The following TNFRSF21 variants were observed in gnomAD, a reference collection of about 807,000 sequenced individuals.
TNFRSF21 encodes TNF receptor superfamily member 21.
Under a neutral mutation model 45.6 loss-of-function variants are expected in TNFRSF21, and 19 were observed. The observed-to-expected ratio is 0.42, with a 90% confidence interval of 0.29 to 0.61. The LOEUF is 0.61. TNFRSF21 is among the 20% of genes least tolerant of loss of function. The pLI, the probability that TNFRSF21 is intolerant of heterozygous loss-of-function variation, is 0.23. For synonymous variants in TNFRSF21, 314 were observed against 335.5 expected (o/e 0.94, Z 0.70); for missense variants, 737 against 851.5 (o/e 0.87, Z 1.67).
chr6:47,234,630 G>T (rs1330803934), intron 5 of TNFRSF21, 40 bp downstream of exon 5: 1 of 1,511,042 alleles, frequency 6.6e-7, no homozygotes, highest in East Asian at 2.3e-5. Context: ...CTCTTTGGGG[G>T]GTTTAAGTGC....
intron 5 of TNFRSF21, among the ~76,000 whole-genome samples, chr6:47,234,045 A>C (rs896419880): frequency 1.3e-5 from 2 of 152,154 alleles, no homozygotes; most frequent in African/African-American, 4.8e-5. Context: ...AGTCTGGAGT[A>C]CAGTGGCACA....
intron 3 of TNFRSF21, among the ~76,000 whole-genome samples, chr6:47,276,233 T>C (rs1172753014): frequency 6.6e-6 from 1 of 152,092 alleles, no homozygotes; most frequent in Non-Finnish European, 1.5e-5. Context: ...GGTGGACCCA[T>C]ACATAAGATG....
chr6:47,241,253 C>G (rs6903150), intron 4 of TNFRSF21, among the ~76,000 whole-genome samples: 58,800 of 151,966 alleles, frequency 0.39, 12,248 homozygotes, highest in East Asian at 0.57. Flanking sequence ...TTACCAGCCT[C>G]ATCACAAAAC....
chr6:47,237,005 TA>T (rs2113842798), intron 4 of TNFRSF21, among the ~76,000 whole-genome samples: 1 of 152,350 alleles, frequency 6.6e-6, no homozygotes, highest in South Asian at 2.1e-4. Context: ...CAAAAGGTCC[TA>T]TTAGTAAAAC....
intron 4 of TNFRSF21, among the ~76,000 whole-genome samples, chr6:47,246,733 AG>A (rs5876017): frequency 0.034 from 5,177 of 152,290 alleles, 300 homozygotes; most frequent in African/African-American, 0.12. Context: ...AATATGAAAA[AG>A]CAGGTGGGGC....
At chr6:47,249,130 C>T (rs1459451375) in intron 4 of TNFRSF21, among the ~76,000 whole-genome samples, 9 of 152,312 alleles carry the variant, frequency 5.9e-5, no homozygotes, top group African/African-American at 2.2e-4. Context: ...GCACATTCCT[C>T]CTCCCAACCT....
At chr6:47,283,886 G>T in intron 3 of TNFRSF21, 52 bp downstream of exon 3, 1 of 1,561,680 alleles carries the variant, frequency 6.4e-7, no homozygotes, top group Non-Finnish European at 8.6e-7. Context: ...CAGGGACTAG[G>T]GAAAAAGTGG....
At position 47,231,832 on chromosome 6, in the gene TNFRSF21, CA is replaced by C. The variant is rs1764586500; in HGVS notation, c.*932del. On this transcript the variant is annotated 3_prime_UTR_variant, in exon 6 of 6. Coordinates refer to ENST00000296861, the MANE Select transcript of TNFRSF21 (RefSeq NM_014452.5). ...CTATTGATTATGTGTATATAAAAAA[CA>C]AGACATCTTTTAAAGCAAAGCTGGG... 6.6e-6 allele frequency: 1 copy of C among 152,626 alleles called. No individual in the cohort carries two copies. Among genetic ancestry groups the C allele is most frequent in the South Asian group, 2.1e-4 (1 of 4,822 alleles). 9.5% of individuals were successfully genotyped at this position (152,626 alleles called of 1,614,324 possible).
intron 1 of TNFRSF21, among the ~76,000 whole-genome samples, chr6:47,298,851 T>C (rs971848245): frequency 2.6e-5 from 4 of 152,154 alleles, no homozygotes; most frequent in Admixed American, 6.5e-5. Context: ...AAAGGCACAA[T>C]CAATATTAAC....
At chr6:47,255,380 T>C (rs1764970471) in intron 3 of TNFRSF21, among the ~76,000 whole-genome samples, 2 of 152,154 alleles carry the variant, frequency 1.3e-5, no homozygotes, top group Non-Finnish European at 1.5e-5. Flanking sequence ...GTGGGATGCA[T>C]ATATCACCCT....
At chr6:47,261,128 C>A (rs1400309881) in intron 3 of TNFRSF21, among the ~76,000 whole-genome samples, 1 of 152,220 alleles carries the variant, frequency 6.6e-6, no homozygotes, top group East Asian at 1.9e-4. Flanking sequence ...ATGCTCCTAA[C>A]AGGCACGCAC....
intron 1 of TNFRSF21, among the ~76,000 whole-genome samples, chr6:47,288,176 T>A (rs1400176588): frequency 6.6e-6 from 1 of 152,254 alleles, no homozygotes; most frequent in Non-Finnish European, 1.5e-5. Context: ...AAAGGATAAA[T>A]AATTGTCATT....
chr6:47,243,228 G>A (rs1764772819), intron 4 of TNFRSF21, among the ~76,000 whole-genome samples: 1 of 152,040 alleles, frequency 6.6e-6, no homozygotes, highest in African/African-American at 2.4e-5. Flanking sequence ...GTTTCCCTCC[G>A]TGGTGGTAAC....
chr6:47,282,395 T>TA (rs905383478), intron 3 of TNFRSF21, among the ~76,000 whole-genome samples: 30 of 126,988 alleles, frequency 2.4e-4, no homozygotes, highest in Non-Finnish European at 2.7e-4. Context: ...AAAAAAAAAA[T>TA]AAAAAAAAAA....
intron 3 of TNFRSF21, among the ~76,000 whole-genome samples, chr6:47,279,770 T>C (rs1012601871): frequency 1.5e-4 from 23 of 152,222 alleles, no homozygotes; most frequent in Non-Finnish European, 4.4e-5. Flanking sequence ...TATATTTTTA[T>C]ATGTAAACAT....
chr6:47,305,248 C>T (rs990657789), intron 1 of TNFRSF21, among the ~76,000 whole-genome samples: 2 of 152,168 alleles, frequency 1.3e-5, no homozygotes, highest in African/African-American at 4.8e-5. Context: ...CCCAATTCAT[C>T]CCTGGGTTCC....
In TNFRSF21 at chr6:47,284,307, G is replaced by C; in HGVS notation, c.874C>G (p.Leu292Val). ...ARGKEDVNKT[L>V]PNLQVVNHQQ... ...TGGTTGACTACCTGAAGGTTTGGGA[G>C]GGTCTTGTTCACGTCTTCCTTCCCC... Residue 292 changes from leucine to valine, a missense_variant, in exon 3 of 6, where the codon CTC (leucine) becomes GTC (valine). Physicochemically the swap from Leu to Val is conservative, Grantham distance 32. Transcript: ENST00000296861. The C allele has an allele frequency of 6.2e-7, 1 of 1,607,210 alleles. No homozygotes were observed. Among genetic ancestry groups the C allele is most frequent in the African/African-American group, 1.3e-5 (1 of 74,954 alleles).
At chr6:47,269,739 CCTCT>C (rs1349516615) in intron 3 of TNFRSF21, among the ~76,000 whole-genome samples, 1 of 151,982 alleles carries the variant, frequency 6.6e-6, no homozygotes, top group Non-Finnish European at 1.5e-5. Flanking sequence ...GAGAATAATG[CCTCT>C]CTAATTTAAT....
At position 47,245,618 on chromosome 6, in the gene TNFRSF21, C is replaced by G. The variant is rs577513482; in HGVS notation, c.1509+7638G>C. The stretch of plus-strand genomic sequence containing the variant: ...GCATATTTTTTTCACATTTTAACAT[C>G]TCTGAAATAGAGGTGTCTCTTACAA... On this transcript the variant is annotated intron_variant, in intron 4 of 5. Transcript: ENST00000296861. 1.8e-4 allele frequency among the ~76,000 whole-genome samples: 27 copies of G among 152,104 alleles called. 1 individual carries two copies. In the South Asian group the frequency reaches 4.8e-3, roughly 27 times the overall value.
Sources: gnomAD v4.1 joint callset for allele counts (sites outside exome capture counted in the v4.1 genomes callset) on GRCh38, gnomAD v4.1.1 for gene constraint, MANE v1.5 for transcripts, NCBI Gene and HGNC (gene_info 2026-07-23, HGNC 2026-07-21) for gene names.